The following TMEM14A variants were observed in gnomAD, a reference collection of about 807,000 sequenced individuals.
TMEM14A encodes transmembrane protein 14A.
TMEM14A carries 8 observed loss-of-function variants against 11.6 expected under a neutral mutation model. The ratio of observed to expected loss-of-function variants is 0.69; its 90% CI spans 0.40 to 1.24. The LOEUF (loss-of-function observed/expected upper bound fraction) is 1.24. TMEM14A is among the 50% of genes most tolerant of loss of function. TMEM14A has a pLI of 0.01. For synonymous variants in TMEM14A, 34 were observed against 45.5 expected, an observed-to-expected ratio of 0.75 and a Z score of 1.02; for missense variants, 108 against 121.9, an observed-to-expected ratio of 0.89 and a Z score of 0.54.
At chr6:52,678,642 C>T (rs565199272) in intron 2 of TMEM14A, among the ~76,000 whole-genome samples, 10 of 152,246 alleles carry the variant, frequency 6.6e-5, no homozygotes, top group Non-Finnish European at 8.8e-5. Flanking sequence ...CCAGTCTTGA[C>T]GCTGCCACTT....
intron 3 of TMEM14A, among the ~76,000 whole-genome samples, chr6:52,683,364 G>A (rs1769426631): frequency 6.6e-6 from 1 of 150,708 alleles, no homozygotes; most frequent in African/African-American, 2.4e-5. Context: ...GGAGGCTGAG[G>A]CAGGAGAATT....
At position 52,679,224 on chromosome 6, in the gene TMEM14A, CT is replaced by C. The variant is rs375072526; in HGVS notation, c.70+2054del. 3.9e-3 allele frequency among the ~76,000 whole-genome samples: 590 copies of C among 152,260 alleles called. 5 individuals are homozygous for C. The highest frequency in any genetic ancestry group is 0.013 in the African/African-American group (551 of 41,528). On this transcript the variant is annotated intron_variant, in intron 2 of 4. Transcript: ENST00000211314. ...GGGACACAGGATGCTGAGCACTGTG[CT>C]TGCCTGGGCTCACCCCTCCTCCCAG...
rs2127260467 is a variant in TMEM14A at position 52,671,191 on chromosome 6, GC to G, written c.-70del. 6.6e-6 allele frequency: 1 copy of G among 152,454 alleles called. No individual in the cohort carries two copies. The highest frequency in any genetic ancestry group is 1.9e-4 in the East Asian group (1 of 5,188). The allele number at this position is 152,454 out of a possible 1,614,324, so 9.4% of individuals were successfully genotyped here. A position where few individuals can be genotyped will look rare whatever the true frequency, so the allele number is the denominator to read the frequency against. On this transcript the variant is annotated 5_prime_UTR_variant, in exon 1 of 5. Transcript: ENST00000211314. ...CGGACTCCAGGTACCGCGCTTGGCGGCAGCTGGCCCCAGACTTCTGTCTTTT... is the reference window on the plus strand; with the variant it reads ...CGGACTCCAGGTACCGCGCTTGGCGGAGCTGGCCCCAGACTTCTGTCTTTT...
At position 52,684,241 on chromosome 6, in the gene TMEM14A, T is replaced by A. The variant is rs45477295; in HGVS notation, c.260+76T>A. The A allele has an allele frequency of 1.8e-3, 2,432 of 1,346,864 alleles. 4 individuals carry two copies. Among genetic ancestry groups the A allele is most frequent in the Non-Finnish European group, 2.0e-3 (1,916 of 972,826 alleles). The allele number at this position is 1,346,864 out of a possible 1,614,324, so 83.4% of individuals were successfully genotyped here. ...GCTGAATTTTTGGGAAACATCAATTTTAATTTGAAAGATCAAAGTCCTTTT... is the reference window on the plus strand; with the variant it reads ...GCTGAATTTTTGGGAAACATCAATTATAATTTGAAAGATCAAAGTCCTTTT... On this transcript the variant is annotated intron_variant, in intron 4 of 4. Coordinates refer to ENST00000211314, the MANE Select transcript of TMEM14A (RefSeq NM_014051.4).
At chr6:52,680,635 A>ATG (rs1193411881) in intron 2 of TMEM14A, among the ~76,000 whole-genome samples, 5 of 101,580 alleles carry the variant, frequency 4.9e-5, no homozygotes, top group Admixed American at 1.0e-4. Flanking sequence ...GTATATATAT[A>ATG]TGTGTGTATA....
chr6:52,680,593 T>TATATATATATATATATTTATATATATA, intron 2 of TMEM14A, among the ~76,000 whole-genome samples: 1 of 96,524 alleles, frequency 1.0e-5, no homozygotes, highest in South Asian at 3.5e-4. Context: ...ATTTATATAT[T>TATATATATATATATATTTATATATATA]TATATATATA....
intron 2 of TMEM14A, among the ~76,000 whole-genome samples, chr6:52,680,669 G>GTGTGTATATATATATATATA (rs1769360469): frequency 2.8e-5 from 1 of 35,968 alleles, no homozygotes; most frequent in Non-Finnish European, 6.1e-5. Flanking sequence ...ATATATATGT[G>GTGTGTATATATATATATATA]TATATATATA....
chr6:52,680,704 TAC>T (rs1554137484), intron 2 of TMEM14A, among the ~76,000 whole-genome samples: 1 of 51,100 alleles, frequency 2.0e-5, no homozygotes, highest in African/African-American at 5.7e-5. Flanking sequence ...TATATATATA[TAC>T]ACATATATAT....
At chr6:52,676,654 A>T (rs1769261944) in intron 1 of TMEM14A, among the ~76,000 whole-genome samples, 1 of 152,008 alleles carries the variant, frequency 6.6e-6, no homozygotes, top group African/African-American at 2.4e-5. Flanking sequence ...ACTACCTGAG[A>T]CTCGGTAATT....
At chr6:52,682,068 A>G (rs1174661908) in intron 3 of TMEM14A, among the ~76,000 whole-genome samples, 154 bp downstream of exon 3, 1 of 152,224 alleles carries the variant, frequency 6.6e-6, no homozygotes, top group Admixed American at 6.5e-5. Context: ...CCTTTCTAGA[A>G]AGACCTGATA....
chr6:52,685,642 G>A (rs1317031051), intron 4 of TMEM14A, among the ~76,000 whole-genome samples: 2 of 151,966 alleles, frequency 1.3e-5, no homozygotes, highest in African/African-American at 4.8e-5. Flanking sequence ...CCGGAAGAAG[G>A]CCTCAGTTAA....
rs11543264 is a variant in TMEM14A at position 52,677,128 on chromosome 6, C to G, written c.26C>G (p.Ala9Gly). 6.2e-7 allele frequency: 1 copy of G among 1,614,186 alleles called. No homozygotes were observed. The highest frequency in any genetic ancestry group is 8.5e-7 in the Non-Finnish European group (1 of 1,180,032). Residue 9 changes from alanine (A) to glycine (G), a missense_variant, in exon 2 of 5, where the codon GCA becomes GGA. Ala to Gly is a moderately conservative substitution (Grantham distance 60). Transcript: ENST00000211314. MDLIGFGY[A>G]ALVTFGSIFG... ...ATGGACCTGATCGGTTTTGGTTATG[C>G]AGCCCTCGTGACATTTGGAAGCATT...
intron 1 of TMEM14A, among the ~76,000 whole-genome samples, chr6:52,673,813 C>G (rs1269980289): frequency 6.6e-6 from 1 of 152,148 alleles, no homozygotes; most frequent in Admixed American, 6.5e-5. Flanking sequence ...GAATTGACTA[C>G]AAATATATGT....
chr6:52,676,162 C>T (rs892008024), intron 1 of TMEM14A, among the ~76,000 whole-genome samples: 6 of 152,124 alleles, frequency 3.9e-5, no homozygotes, highest in Non-Finnish European at 7.4e-5. Context: ...TGAAGACAGG[C>T]AGAGGAGAAT....
chr6:52,680,689 A>ATGTGTATATATATATACATATATG lies in TMEM14A; in HGVS notation c.71-1121_71-1120insGTATATATATATACATATATGTGT, dbSNP rs371504929. Among the ~76,000 whole-genome samples, 49 of 56,952 alleles carry ATGTGTATATATATATACATATATG rather than the reference A, an allele frequency of 8.6e-4. 8 individuals carry two copies. Among genetic ancestry groups the ATGTGTATATATATATACATATATG allele is most frequent in the Non-Finnish European group, 1.6e-3 (42 of 26,264 alleles). The allele number at this position is 56,952 out of a possible 152,430, so 37.4% of individuals were successfully genotyped here. Reference sequence around the variant, plus strand: ...TATGTGTATATATATATATACATATATGTATATATATATATACACATATAT... The same window carrying ATGTGTATATATATATACATATATG: ...TATGTGTATATATATATATACATATATGTGTATATATATATACATATATGTGTATATATATATATACACATATAT... On this transcript the variant is annotated intron_variant, in intron 2 of 4. Transcript: ENST00000211314.
chr6:52,675,897 A>G (rs1769248018), intron 1 of TMEM14A, among the ~76,000 whole-genome samples: 5 of 152,250 alleles, frequency 3.3e-5, no homozygotes, highest in Admixed American at 3.3e-4. Flanking sequence ...GATCACTTTG[A>G]TAGTACAGAC....
intron 1 of TMEM14A, among the ~76,000 whole-genome samples, chr6:52,674,987 C>T (rs551280327): frequency 6.6e-5 from 10 of 151,638 alleles, no homozygotes; most frequent in East Asian, 3.9e-4. Context: ...AGGGATTTTC[C>T]GGTCTCAGCC....
At chr6:52,674,828 C>T (rs755956937) in intron 1 of TMEM14A, among the ~76,000 whole-genome samples, 6 of 152,038 alleles carry the variant, frequency 3.9e-5, no homozygotes, top group Non-Finnish European at 7.4e-5. Flanking sequence ...TTCCCTCCCC[C>T]ATACCCTTCC....
chr6:52,680,625 G>GTAA (rs1332604620), intron 2 of TMEM14A, among the ~76,000 whole-genome samples: 3 of 56,184 alleles, frequency 5.3e-5, no homozygotes, highest in African/African-American at 1.5e-4. Context: ...ATATATATGT[G>GTAA]TATATATATA....
Sources: gnomAD v4.1 joint callset for allele counts (sites outside exome capture counted in the v4.1 genomes callset) on GRCh38, gnomAD v4.1.1 for gene constraint, MANE v1.5 for transcripts, NCBI Gene and HGNC (gene_info 2026-07-23, HGNC 2026-07-21) for gene names.